DGKB: variants seen among roughly 807,000 people sequenced by gnomAD.
DGKB encodes diacylglycerol kinase beta.
DGKB carries 67 observed loss-of-function variants against 114.3 expected under a neutral mutation model. That is an observed-to-expected ratio of 0.59 (90% confidence interval 0.48 to 0.72). DGKB has a LOEUF of 0.72. DGKB is among the 30% of genes least tolerant of loss of function. The probability of loss-of-function intolerance (pLI) is 0.00; values close to 1 mark genes in which losing one functional copy is unlikely to be tolerated. For missense variants in DGKB, 907 were observed against 975.2 expected (o/e 0.93, Z 0.93); for synonymous variants, 398 against 323.1 (o/e 1.23, Z -2.49).
chr7:14,743,917 T>C (rs1449706683), intron 4 of DGKB, among the ~76,000 whole-genome samples: 1 of 152,158 alleles, frequency 6.6e-6, no homozygotes, highest in African/African-American at 2.4e-5. Flanking sequence ...CTGATAACTT[T>C]GGAGACTCTA....
intron 13 of DGKB, among the ~76,000 whole-genome samples, chr7:14,660,550 G>A (rs1332275412): frequency 6.6e-6 from 1 of 151,926 alleles, no homozygotes; most frequent in African/African-American, 2.4e-5. Context: ...GTATTTCTGT[G>A]GGATCGGTGG....
At chr7:14,666,769 C>T (rs922550590) in intron 13 of DGKB, among the ~76,000 whole-genome samples, 6 of 151,740 alleles carry the variant, frequency 4.0e-5, no homozygotes, top group Non-Finnish European at 8.8e-5. Flanking sequence ...GTTACCAGAA[C>T]ATTTTTTTTC....
chr7:14,518,434 T>C (rs895218461), intron 20 of DGKB, among the ~76,000 whole-genome samples: 3 of 151,586 alleles, frequency 2.0e-5, no homozygotes, highest in African/African-American at 7.3e-5. Flanking sequence ...AATTTACCTA[T>C]ATAGCAAACC....
At chr7:14,725,059 C>A (rs953477545) in intron 5 of DGKB, among the ~76,000 whole-genome samples, 1 of 152,134 alleles carries the variant, frequency 6.6e-6, no homozygotes, top group Non-Finnish European at 1.5e-5. Context: ...GTAGTCCCAG[C>A]TACCTAGGGG....
rs148034832 is a variant in DGKB, at chr7:14,861,880, C to T, written c.-187-20430G>A. On this transcript the variant is annotated intron_variant, in intron 1 of 25. Coordinates refer to ENST00000402815, the MANE Select transcript of DGKB (RefSeq NM_001350709.2). The stretch of plus-strand genomic sequence containing the variant: ...CTTCTACTGTTGAAGGGCATTTGAG[C>T]TGCTTGCAAGATTTGTTCTTATGGA... Among the ~76,000 whole-genome samples the T allele has an allele frequency of 6.9e-3, 1,056 of 152,006 alleles. 11 individuals are homozygous for T. The highest frequency in any genetic ancestry group is 0.018 in the African/African-American group (767 of 41,512).
rs1407838182 is a variant in DGKB at position 14,145,095 on chromosome 7, C to A, written c.*4036G>T. On this transcript the variant is annotated 3_prime_UTR_variant, in exon 26 of 26. Transcript: ENST00000402815. ...TCAAAAAACAGGATATTGTATATAT[C>A]ATTTCTGAGAAAATAATTAAGGTAC... 2 of 152,028 alleles carry A rather than the reference C, an allele frequency of 1.3e-5. No individual in the cohort carries two copies. Among genetic ancestry groups the A allele is most frequent in the African/African-American group, 4.8e-5 (2 of 41,394 alleles). 9.4% of individuals were successfully genotyped at this position (152,028 alleles called of 1,614,324 possible). A position where few individuals can be genotyped will look rare whatever the true frequency, so the allele number is the denominator to read the frequency against.
intron 20 of DGKB, among the ~76,000 whole-genome samples, chr7:14,537,630 T>C (rs1792728646): frequency 6.6e-6 from 1 of 151,960 alleles, no homozygotes; most frequent in South Asian, 2.1e-4. Flanking sequence ...AAAAATTAAC[T>C]CAAAACGGAT....
intron 21 of DGKB, among the ~76,000 whole-genome samples, chr7:14,423,871 TCTA>T (rs1412837914): frequency 6.6e-6 from 1 of 152,100 alleles, no homozygotes; most frequent in Non-Finnish European, 1.5e-5. Flanking sequence ...AAATGGTAAC[TCTA>T]TTCTTGTAGT....
At chr7:14,553,844 ATT>A (rs1048005193) in intron 20 of DGKB, among the ~76,000 whole-genome samples, 13 of 109,496 alleles carry the variant, frequency 1.2e-4, no homozygotes, top group African/African-American at 4.0e-4. Flanking sequence ...TGATATATAT[ATT>A]TGTGTGCTCC....
chr7:14,416,603 G>C (rs1441755752), intron 21 of DGKB, among the ~76,000 whole-genome samples: 1 of 151,976 alleles, frequency 6.6e-6, no homozygotes, highest in African/African-American at 2.4e-5. Flanking sequence ...TGTTCTCATG[G>C]TAGTAAATAA....
intron 20 of DGKB, among the ~76,000 whole-genome samples, chr7:14,491,880 T>G (rs1430835149): frequency 2.6e-5 from 4 of 152,052 alleles, no homozygotes; most frequent in Non-Finnish European, 5.9e-5. Context: ...CATGAGAGAC[T>G]CATAATTTAT....
intron 9 of DGKB, among the ~76,000 whole-genome samples, chr7:14,685,733 C>T (rs1237637868): frequency 6.6e-6 from 1 of 152,070 alleles, no homozygotes; most frequent in African/African-American, 2.4e-5. Context: ...AGAGAAAATA[C>T]CCTTCAGTGG....
chr7:14,724,866 T>C (rs566284852), intron 5 of DGKB, among the ~76,000 whole-genome samples: 12 of 152,194 alleles, frequency 7.9e-5, no homozygotes, highest in Non-Finnish European at 1.3e-4. Context: ...TACACCAGTG[T>C]TATCCAATAA....
intron 5 of DGKB, among the ~76,000 whole-genome samples, chr7:14,735,528 T>G (rs111476956): frequency 4.9e-4 from 75 of 152,324 alleles, no homozygotes; most frequent in African/African-American, 1.8e-3. Context: ...TTAATGTAAG[T>G]ATGCATCTCT....
At chr7:14,166,104 T>TAACA (rs1257085306) in intron 25 of DGKB, among the ~76,000 whole-genome samples, 1 of 152,230 alleles carries the variant, frequency 6.6e-6, no homozygotes, top group Admixed American at 6.5e-5. Flanking sequence ...TGTCTTATAC[T>TAACA]AACAGATAAC....
chr7:14,236,675 A>G (rs1180273224), intron 23 of DGKB, among the ~76,000 whole-genome samples: 1 of 151,974 alleles, frequency 6.6e-6, no homozygotes, highest in Non-Finnish European at 1.5e-5. Context: ...TCCCCCTATG[A>G]ATTATATATT....
chr7:14,387,961 C>A (rs1296542951), intron 21 of DGKB, among the ~76,000 whole-genome samples: 1 of 150,366 alleles, frequency 6.7e-6, no homozygotes, highest in Non-Finnish European at 1.5e-5. Flanking sequence ...TTCACTGCAA[C>A]CTCCACCCCC....
At chr7:14,276,916 G>A (rs751920760) in intron 23 of DGKB, among the ~76,000 whole-genome samples, 4 of 151,840 alleles carry the variant, frequency 2.6e-5, no homozygotes, top group South Asian at 2.1e-4. Context: ...TGGGTACAAT[G>A]TGATGATTTG....
chr7:14,290,672 G>T (rs1302721253), intron 23 of DGKB, among the ~76,000 whole-genome samples: 1 of 152,056 alleles, frequency 6.6e-6, no homozygotes, highest in Non-Finnish European at 1.5e-5. Flanking sequence ...CTCTTCACAT[G>T]CTATTAGGTG....
Sources: gnomAD v4.1 joint callset for allele counts (sites outside exome capture counted in the v4.1 genomes callset) on GRCh38, gnomAD v4.1.1 for gene constraint, MANE v1.5 for transcripts, NCBI Gene and HGNC (gene_info 2026-07-23, HGNC 2026-07-21) for gene names.